The following PTPRD variants were observed in gnomAD, a reference collection of about 807,000 sequenced individuals.
PTPRD encodes the protein protein tyrosine phosphatase receptor type D, also known as receptor-type tyrosine-protein phosphatase delta.
In PTPRD, 34 loss-of-function variants were observed where a neutral mutation model predicts 214.5. That is an observed-to-expected ratio of 0.16 (90% confidence interval 0.12 to 0.21). PTPRD has a LOEUF of 0.21. Ranked by LOEUF, PTPRD falls within the 10% of genes least tolerant of loss-of-function variation. The pLI is 1.00. For missense variants in PTPRD, 2,545 were observed against 2,398.7 expected, an observed-to-expected ratio of 1.06 and a Z score of -1.27; for synonymous variants, 1,128 against 845.7, an observed-to-expected ratio of 1.33 and a Z score of -5.79.
intron 7 of PTPRD, among the ~76,000 whole-genome samples, chr9:9,672,689 G>A (rs1039931642): frequency 1.3e-5 from 2 of 151,944 alleles, no homozygotes; most frequent in South Asian, 2.1e-4. Context: ...ATTCTCTACA[G>A]AAATCCTGAC....
chr9:10,216,375 G>C (rs1490970010), intron 3 of PTPRD, among the ~76,000 whole-genome samples: 1 of 151,556 alleles, frequency 6.6e-6, no homozygotes, highest in African/African-American at 2.4e-5. Context: ...ACAGGTGGGG[G>C]TTCACTTTAT....
At chr9:8,809,101 G>C (rs551527438) in intron 11 of PTPRD, among the ~76,000 whole-genome samples, 4 of 152,134 alleles carry the variant, frequency 2.6e-5, no homozygotes, top group Middle Eastern at 3.2e-3. Context: ...ACACCACTTA[G>C]ACTTGAAAAC....
intron 3 of PTPRD, among the ~76,000 whole-genome samples, chr9:10,139,515 A>C (rs1265718302): frequency 1.3e-5 from 2 of 151,192 alleles, no homozygotes; most frequent in East Asian, 1.9e-4. Context: ...ACAGAATTTG[A>C]AAAAAAAAGC....
At chr9:9,897,923 T>C (rs2075427149) in intron 5 of PTPRD, among the ~76,000 whole-genome samples, 2 of 151,720 alleles carry the variant, frequency 1.3e-5, no homozygotes, top group African/African-American at 2.4e-5. Flanking sequence ...CTGTTCACCT[T>C]TGACGGCAGT....
chr9:8,491,971 G>A (rs994614063), intron 27 of PTPRD, among the ~76,000 whole-genome samples: 2 of 152,146 alleles, frequency 1.3e-5, no homozygotes, highest in Admixed American at 6.5e-5. Flanking sequence ...GAATCCTTCT[G>A]CAATTATCTC....
At chr9:10,282,623 C>G (rs1346396162) in intron 3 of PTPRD, among the ~76,000 whole-genome samples, 1 of 152,156 alleles carries the variant, frequency 6.6e-6, no homozygotes, top group Non-Finnish European at 1.5e-5. Flanking sequence ...TCAACCCTGG[C>G]TGTACATTAG....
At chr9:9,345,170 A>G (rs1234077377) in intron 9 of PTPRD, among the ~76,000 whole-genome samples, 1 of 152,174 alleles carries the variant, frequency 6.6e-6, no homozygotes, top group African/African-American at 2.4e-5. Context: ...AAAGTACCAT[A>G]TTCACACATT....
At chr9:9,118,756 T>A (rs1388857467) in intron 10 of PTPRD, among the ~76,000 whole-genome samples, 1 of 152,202 alleles carries the variant, frequency 6.6e-6, no homozygotes, top group East Asian at 1.9e-4. Context: ...CAATATACCC[T>A]GCCCTTTTTA....
intron 30 of PTPRD, among the ~76,000 whole-genome samples, chr9:8,480,355 T>C (rs2096854866): frequency 6.6e-6 from 1 of 152,190 alleles, no homozygotes; most frequent in South Asian, 2.1e-4. Flanking sequence ...TCACTTTCTC[T>C]AGGACTGCTG....
chr9:9,640,896 C>T (rs1485552031), intron 7 of PTPRD, among the ~76,000 whole-genome samples: 5 of 152,222 alleles, frequency 3.3e-5, no homozygotes, highest in African/African-American at 1.2e-4. Flanking sequence ...CCAAGCACTG[C>T]AGACACTAAG....
intron 3 of PTPRD, among the ~76,000 whole-genome samples, chr9:10,329,440 C>A (rs1158639292): frequency 6.6e-6 from 1 of 151,774 alleles, no homozygotes; most frequent in African/African-American, 2.4e-5. Context: ...ATGTTTTCAG[C>A]TGCTTATTTG....
At chr9:8,544,162 TAC>T (rs1593254965) in intron 14 of PTPRD, among the ~76,000 whole-genome samples, 2 of 145,646 alleles carry the variant, frequency 1.4e-5, no homozygotes, top group Non-Finnish European at 3.0e-5. Flanking sequence ...GTTTTGCCAT[TAC>T]TTTTTTTTTT....
rs186893202 is a variant in PTPRD at position 9,333,156 on chromosome 9, T to G, written c.-203+64293A>C. Among the ~76,000 whole-genome samples, 4 of 151,864 alleles carry G rather than the reference T, an allele frequency of 2.6e-5. No homozygotes were observed. In the East Asian group the frequency reaches 7.8e-4, roughly 30 times the overall value. ...ACCTGGGAAGGCAAGATTATCACAT[T>G]TGAGAGAGATAATATAGAATACATA... On this transcript the variant is annotated intron_variant, in intron 9 of 45. Transcript: ENST00000381196.
chr9:9,315,638 T>C (rs1962373077), intron 9 of PTPRD, among the ~76,000 whole-genome samples: 1 of 151,886 alleles, frequency 6.6e-6, no homozygotes, highest in South Asian at 2.1e-4. Context: ...GATCATGCTT[T>C]ATATATTAAC....
chr9:9,378,228 A>G (rs2140181820), intron 9 of PTPRD, among the ~76,000 whole-genome samples: 1 of 151,992 alleles, frequency 6.6e-6, no homozygotes, highest in East Asian at 1.9e-4. Context: ...TGATCGTTAA[A>G]TATCTCCATA....
At chr9:9,556,253 A>C (rs957176766) in intron 8 of PTPRD, among the ~76,000 whole-genome samples, 1 of 152,224 alleles carries the variant, frequency 6.6e-6, no homozygotes, top group African/African-American at 2.4e-5. Flanking sequence ...AAAGTGGATC[A>C]TCATAAAGGT....
intron 8 of PTPRD, among the ~76,000 whole-genome samples, chr9:9,527,507 AT>A (rs1020535831): frequency 6.6e-6 from 1 of 152,156 alleles, no homozygotes; most frequent in Non-Finnish European, 1.5e-5. Flanking sequence ...AATTTGCTAG[AT>A]TTTTTAGGGG....
chr9:8,936,598 G>A (rs1224554180), intron 11 of PTPRD, among the ~76,000 whole-genome samples: 1 of 152,068 alleles, frequency 6.6e-6, no homozygotes, highest in Non-Finnish European at 1.5e-5. Context: ...TGAGGAACTG[G>A]AAACTTCAAC....
chr9:8,558,331 G>A (rs7026937), intron 14 of PTPRD, among the ~76,000 whole-genome samples: 22,140 of 152,118 alleles, frequency 0.15, 4,876 homozygotes, highest in African/African-American at 0.48. Context: ...CATGAGCTGA[G>A]TCACCTGTAC....
Sources: allele counts gnomAD v4.1 joint callset (sites outside exome capture counted in the v4.1 genomes callset), GRCh38; gene constraint gnomAD v4.1.1; transcripts MANE v1.5; gene names NCBI Gene and HGNC (gene_info 2026-07-23, HGNC 2026-07-21).